Variants in ZNF529 observed in about 807,000 individuals in gnomAD.
ZNF529 encodes zinc finger protein 529.
Under a neutral mutation model 10.1 loss-of-function variants are expected in ZNF529, and 11 were observed. That is an observed-to-expected ratio of 1.09 (90% CI 0.69 to 1.81). ZNF529 has a LOEUF of 1.81. Among genes scored for constraint, ZNF529 ranks in the 40% most tolerant of loss-of-function variants. The pLI is 0.00. For synonymous variants in ZNF529, 204 were observed against 215.7 expected, an observed-to-expected ratio of 0.95 and a Z score of 0.47; for missense variants, 624 against 666.8, an observed-to-expected ratio of 0.94 and a Z score of 0.71.
chr19:36,589,598 T>G (rs1342761391), intron 2 of ZNF529: 3 of 152,092 alleles, frequency 2.0e-5, no homozygotes, highest in African/African-American at 4.8e-5. Context: ...TACACAGCCC[T>G]AAAAGTTAGT....
chr19:36,591,570 A>C (rs1217562219), intron 1 of ZNF529, among the ~76,000 whole-genome samples: 1 of 150,668 alleles, frequency 6.6e-6, no homozygotes, highest in Non-Finnish European at 1.5e-5. Context: ...AATACAAAAA[A>C]ATCAGCCGGG....
At chr19:36,553,769 T>C (rs1467399843) in intron 4 of ZNF529, among the ~76,000 whole-genome samples, 2 of 152,208 alleles carry the variant, frequency 1.3e-5, no homozygotes, top group Non-Finnish European at 2.9e-5. Flanking sequence ...GTACAGGTTG[T>C]ACATGCCGAA....
At chr19:36,572,891 A>G (rs1455493128) in intron 1 of ZNF529, among the ~76,000 whole-genome samples, 1 of 150,558 alleles carries the variant, frequency 6.6e-6, no homozygotes, top group Non-Finnish European at 1.5e-5. Context: ...AAACTCCTAC[A>G]GGCTCACGGA....
intron 1 of ZNF529, among the ~76,000 whole-genome samples, chr19:36,591,889 C>T (rs1353880669): frequency 6.6e-6 from 1 of 151,904 alleles, no homozygotes; most frequent in Non-Finnish European, 1.5e-5. Context: ...TTTTTTGAGG[C>T]CAGTACTACC....
intron 1 of ZNF529, among the ~76,000 whole-genome samples, chr19:36,593,429 A>G (rs1306274262): frequency 6.6e-6 from 1 of 152,204 alleles, no homozygotes; most frequent in Non-Finnish European, 1.5e-5. Context: ...TTGGCCTCCC[A>G]AAGTGCTGGG....
intron 2 of ZNF529, among the ~76,000 whole-genome samples, chr19:36,579,932 T>C (rs2036425732): frequency 6.6e-6 from 1 of 152,232 alleles, no homozygotes; most frequent in African/African-American, 2.4e-5. Context: ...TTCTGAATTG[T>C]AGTGACTCTT....
intron 1 of ZNF529, 52 bp from the exon 2 acceptor site, chr19:36,572,444 A>G: frequency 7.1e-7 from 1 of 1,406,124 alleles, no homozygotes; most frequent in South Asian, 1.3e-5. Flanking sequence ...CTGGTTAAAT[A>G]AGAACACAGT....
Position 36,547,498 on chromosome 19 carries a change from T to C in ZNF529, c.1060A>G (p.Ile354Val). ...EKVFRISSQL[I>V]EHQRIHTGEK... ...CCAGTGTGAATTCTCTGATGTTCAA[T>C]GAGCTGTGAACTAATTCTAAAAACC... Residue 354 changes from isoleucine to valine, a missense_variant, in exon 5 of 5, where the codon ATT (isoleucine) becomes GTT (valine). Transcript: ENST00000591340. 1 of 1,613,306 alleles carries C rather than the reference T, an allele frequency of 6.2e-7. No homozygotes were observed. The highest frequency in any genetic ancestry group is 8.5e-7 in the Non-Finnish European group (1 of 1,179,310).
At chr19:36,561,301 A>G (rs1600280457) in intron 2 of ZNF529, among the ~76,000 whole-genome samples, 1 of 151,840 alleles carries the variant, frequency 6.6e-6, no homozygotes, top group Non-Finnish European at 1.5e-5. Flanking sequence ...AAAGTGGTGA[A>G]CCTCAGCATC....
chr19:36,600,424 T>C (rs1012307677), intron 1 of ZNF529, among the ~76,000 whole-genome samples: 1 of 152,210 alleles, frequency 6.6e-6, no homozygotes, highest in Non-Finnish European at 1.5e-5. Flanking sequence ...TAGCAATTCA[T>C]TGTGTACTTT....
intron 2 of ZNF529, chr19:36,581,555 G>C (rs1010381149): frequency 6.6e-6 from 1 of 152,206 alleles, no homozygotes; most frequent in African/African-American, 2.4e-5. Flanking sequence ...ACACGGACAT[G>C]TGACCCCCAG....
Position 36,547,897 on chromosome 19 carries a change from G to C in ZNF529, c.661C>G (p.His221Asp). Residue 221 changes from histidine to aspartate, a missense_variant, in exon 5 of 5, where the codon CAT becomes GAT. Coordinates refer to ENST00000591340, the MANE Select transcript of ZNF529 (RefSeq NM_020951.5). ...DNSSMLQLNI[H>D]TGVKPCKYME... ...TATTTACAAGGTTTCACACCAGTAT[G>C]AATATTCAGTTGTAACATACTGGAG... is the stretch of plus-strand genomic sequence containing the variant. 3 of 1,612,534 alleles carry C rather than the reference G, an allele frequency of 1.9e-6. No homozygotes were observed. The highest frequency in any genetic ancestry group is 2.5e-6 in the Non-Finnish European group (3 of 1,179,080).
chr19:36,575,858 G>C (rs900721697), upstream of ZNF529, among the ~76,000 whole-genome samples: 12 of 150,830 alleles, frequency 8.0e-5, no homozygotes, highest in African/African-American at 2.9e-4. Context: ...TGTTTTGTTT[G>C]TTTGTTTTGA....
intron 1 of ZNF529, among the ~76,000 whole-genome samples, chr19:36,602,895 A>G (rs10413833): frequency 0.033 from 4,861 of 148,960 alleles, 115 homozygotes; most frequent in East Asian, 0.072. Context: ...GCACCATTGC[A>G]CTCCAGCCTG....
At chr19:36,563,556 G>T (rs1218751354) in intron 2 of ZNF529, among the ~76,000 whole-genome samples, 2 of 152,050 alleles carry the variant, frequency 1.3e-5, no homozygotes, top group Admixed American at 1.3e-4. Flanking sequence ...GCCACTAAAA[G>T]AATAACATAC....
upstream of ZNF529, among the ~76,000 whole-genome samples, chr19:36,578,291 CTTTTTTTTTTT>C (rs1159725232): frequency 4.1e-4 from 13 of 31,816 alleles, no homozygotes; most frequent in Admixed American, 5.7e-4. Context: ...GTCTTGATCT[CTTTTTTTTTTT>C]TTTTTTTTTT....
At chr19:36,566,728 T>G (rs1300756177) in intron 2 of ZNF529, among the ~76,000 whole-genome samples, 1 of 148,876 alleles carries the variant, frequency 6.7e-6, no homozygotes, top group African/African-American at 2.5e-5. Context: ...AAAAAAATAA[T>G]AAAAAAAAGG....
At chr19:36,565,324 G>A (rs1011709348) in intron 2 of ZNF529, among the ~76,000 whole-genome samples, 1 of 152,116 alleles carries the variant, frequency 6.6e-6, no homozygotes, top group African/African-American at 2.4e-5. Context: ...GACCTCATTC[G>A]AAGACATGCC....
At chr19:36,560,339 C>T (rs2035641446) in intron 2 of ZNF529, among the ~76,000 whole-genome samples, 1 of 151,098 alleles carries the variant, frequency 6.6e-6, no homozygotes, top group African/African-American at 2.4e-5. Context: ...TATCTCTTCT[C>T]CTCTTAACTG....
Sources: allele counts gnomAD v4.1 joint callset (sites outside exome capture counted in the v4.1 genomes callset), GRCh38; gene constraint gnomAD v4.1.1; transcripts MANE v1.5; gene names NCBI Gene and HGNC (gene_info 2026-07-23, HGNC 2026-07-21).